Variants in FARP1 observed in about 807,000 individuals in gnomAD.
The protein encoded by FARP1 is FERM, ARHGEF and pleckstrin domain-containing protein 1.
FARP1 carries 52 observed loss-of-function variants against 128.8 expected under a neutral mutation model. The observed-to-expected ratio is 0.40, with a 90% confidence interval of 0.32 to 0.51. The LOEUF is 0.51. FARP1 is among the 20% of genes least tolerant of loss of function. FARP1 has a pLI of 0.45. For synonymous variants in FARP1, 580 were observed against 551.8 expected (o/e 1.05, Z -0.72); for missense variants, 1,333 against 1,367.9 (o/e 0.97, Z 0.40).
intron 23 of FARP1, 131 bp downstream of exon 23, chr13:98,440,366 C>G (rs1006379452): frequency 1.3e-5 from 9 of 712,054 alleles, no homozygotes; most frequent in Admixed American, 9.8e-5. Flanking sequence ...AGCCAAAGAT[C>G]AAGACAGTTC....
At chr13:98,408,231 GGTTGA>G (rs1417074829) in intron 13 of FARP1, among the ~76,000 whole-genome samples, 1 of 151,898 alleles carries the variant, frequency 6.6e-6, no homozygotes, top group African/African-American at 2.4e-5. Flanking sequence ...AGCTTCATTG[GGTTGA>G]GATACAGATA....
intron 1 of FARP1, among the ~76,000 whole-genome samples, chr13:98,190,485 C>T (rs1245863526): frequency 6.6e-5 from 10 of 152,198 alleles, no homozygotes; most frequent in African/African-American, 2.4e-4. Context: ...TCAAGGTTGA[C>T]TGATAGGAAA....
chr13:98,242,899 A>G (rs1033270632), intron 2 of FARP1, among the ~76,000 whole-genome samples: 2 of 152,172 alleles, frequency 1.3e-5, no homozygotes, highest in African/African-American at 2.4e-5. Flanking sequence ...CTGTCTTCAG[A>G]TTGCATTTTC....
intron 2 of FARP1, among the ~76,000 whole-genome samples, chr13:98,343,313 C>T (rs1291505367): frequency 1.3e-5 from 2 of 152,138 alleles, no homozygotes; most frequent in Non-Finnish European, 2.9e-5. Flanking sequence ...TGTCATAGAA[C>T]TTTACAGCAC....
chr13:98,211,518 C>T (rs1177775599), intron 1 of FARP1, among the ~76,000 whole-genome samples: 1 of 152,236 alleles, frequency 6.6e-6, no homozygotes, highest in African/African-American at 2.4e-5. Flanking sequence ...TGCTCTAGCA[C>T]CTGACTTCAA....
chr13:98,328,641 G>A (rs752842002), intron 2 of FARP1: 17 of 152,146 alleles, frequency 1.1e-4, no homozygotes, highest in Admixed American at 4.6e-4. Flanking sequence ...TCACTTAAAA[G>A]AAGCACTCTA....
chr13:98,143,424 G>C lies in FARP1; in HGVS notation c.-92G>C, dbSNP rs1321869908. 1 of 150,566 alleles carries C rather than the reference G, an allele frequency of 6.6e-6. No homozygotes were observed. Among genetic ancestry groups the C allele is most frequent in the Non-Finnish European group, 1.5e-5 (1 of 67,262 alleles). The allele number at this position is 150,566 out of a possible 1,614,324, so 9.3% of individuals were successfully genotyped here. A position where few individuals can be genotyped will look rare whatever the true frequency, so the allele number is the denominator to read the frequency against. ...GCCGCCGCGCCCTCGGCCGCCGGGG[G>C]CTTGGGAGCCGCCGATCCCGGAGCC... On this transcript the variant is annotated 5_prime_UTR_variant, in exon 1 of 27. Coordinates refer to ENST00000319562, the MANE Select transcript of FARP1 (RefSeq NM_005766.4).
Position 98,431,036 on chromosome 13 carries a change from T to G in FARP1, c.1906-7T>G. ...AACAGGACCCTCCTCCTCTGTTGCCTCCCAAGCACCTGGCGGCTCACCTGT... is the reference window on the plus strand; with the variant it reads ...AACAGGACCCTCCTCCTCTGTTGCCGCCCAAGCACCTGGCGGCTCACCTGT... On this transcript the variant is annotated splice_polypyrimidine_tract_variant and splice_region_variant and intron_variant, in intron 17 of 26. Coordinates refer to ENST00000319562, the MANE Select transcript of FARP1 (RefSeq NM_005766.4). 6.2e-7 allele frequency: 1 copy of G among 1,606,246 alleles called. No individual in the cohort carries two copies. Among genetic ancestry groups the G allele is most frequent in the Non-Finnish European group, 8.5e-7 (1 of 1,173,736 alleles).
chr13:98,401,180 A>G (rs1890747315), intron 13 of FARP1: 1 of 152,180 alleles, frequency 6.6e-6, no homozygotes, highest in South Asian at 2.1e-4. Context: ...AGCGGCATAA[A>G]GACATTTACT....
At chr13:98,252,812 A>G (rs1389385896) in intron 2 of FARP1, among the ~76,000 whole-genome samples, 2 of 152,198 alleles carry the variant, frequency 1.3e-5, no homozygotes, top group African/African-American at 2.4e-5. Context: ...CTAACATTCA[A>G]GTCAGCGACC....
rs556187274 is a variant in FARP1, at chr13:98,300,165, T to C, written c.172-43597T>C. Among the ~76,000 whole-genome samples, 3 of 152,370 alleles carry C rather than the reference T, an allele frequency of 2.0e-5. No individual in the cohort carries two copies. The East Asian group carries it at 5.8e-4, about 29-fold the overall frequency. On this transcript the variant is annotated intron_variant, in intron 2 of 26. Coordinates refer to ENST00000319562, the MANE Select transcript of FARP1 (RefSeq NM_005766.4). ...CACTGTATCTAGATTAAGATATTTATTGAGGCAAAGAGAAAGTTGGTGTTA... is the reference window on the plus strand; with the variant it reads ...CACTGTATCTAGATTAAGATATTTACTGAGGCAAAGAGAAAGTTGGTGTTA...
At chr13:98,254,047 CA>C (rs1883475500) in intron 2 of FARP1, among the ~76,000 whole-genome samples, 1 of 152,158 alleles carries the variant, frequency 6.6e-6, no homozygotes, top group Admixed American at 6.5e-5. Context: ...GTGATCATTT[CA>C]GGGTTCTGAG....
rs751143273 is a variant in FARP1 at position 98,176,502 on chromosome 13, C to T, written c.-24+33010C>T. 4.3e-6 allele frequency: 7 copies of T among 1,614,058 alleles called. No homozygotes were observed. Among genetic ancestry groups the T allele is most frequent in the Non-Finnish European group, 5.9e-6 (7 of 1,180,030 alleles). Reference sequence around the variant, plus strand: ...ATGGTATTTCCTCTTCCTCGCTTCCCACTTCATGGTTTTCGTCCTCGCAGA... The same window carrying T: ...ATGGTATTTCCTCTTCCTCGCTTCCTACTTCATGGTTTTCGTCCTCGCAGA... On this transcript the variant is annotated intron_variant, in intron 1 of 26. Coordinates refer to ENST00000319562, the MANE Select transcript of FARP1 (RefSeq NM_005766.4). This position sits in a 1 kb window ranked among gnomAD's most constrained non-coding sequence, Gnocchi z 6.2.
At chr13:98,251,146 C>T (rs1883303448) in intron 2 of FARP1, among the ~76,000 whole-genome samples, 1 of 152,178 alleles carries the variant, frequency 6.6e-6, no homozygotes, top group African/African-American at 2.4e-5. Flanking sequence ...AATATTAAAT[C>T]TTATTGTTGA....
At chr13:98,261,779 C>T (rs1883892346) in intron 2 of FARP1, among the ~76,000 whole-genome samples, 2 of 152,098 alleles carry the variant, frequency 1.3e-5, no homozygotes, top group Non-Finnish European at 1.5e-5. Flanking sequence ...GTGCGTTTTG[C>T]GTTACAACCA....
intron 2 of FARP1, among the ~76,000 whole-genome samples, chr13:98,260,901 A>G (rs1883847814): frequency 6.6e-6 from 1 of 152,160 alleles, no homozygotes; most frequent in Admixed American, 6.5e-5. Flanking sequence ...GGGGCTGGAG[A>G]GAGTCAGGGC....
chr13:98,236,530 T>C (rs1180139285), intron 2 of FARP1, among the ~76,000 whole-genome samples: 1 of 152,024 alleles, frequency 6.6e-6, no homozygotes, highest in East Asian at 1.9e-4. Context: ...AATAAATATA[T>C]TGGAAAATTT....
At chr13:98,302,491 C>G (rs532184568) in intron 2 of FARP1, among the ~76,000 whole-genome samples, 1 of 152,182 alleles carries the variant, frequency 6.6e-6, no homozygotes, top group African/African-American at 2.4e-5. Flanking sequence ...CACACTTCAC[C>G]CTTCCTGGGC....
At chr13:98,335,327 G>A (rs1337293439) in intron 2 of FARP1, among the ~76,000 whole-genome samples, 1 of 152,254 alleles carries the variant, frequency 6.6e-6, no homozygotes, top group East Asian at 1.9e-4. Context: ...AATCATGGCA[G>A]AAGGCAAGGA....
Sources: allele counts gnomAD v4.1 joint callset (sites outside exome capture counted in the v4.1 genomes callset), GRCh38; gene constraint gnomAD v4.1.1; non-coding constraint Gnocchi (gnomAD v3.1); transcripts MANE v1.5; gene names NCBI Gene and HGNC (gene_info 2026-07-23, HGNC 2026-07-21).